RUNX2: variants seen among roughly 807,000 people sequenced by gnomAD.
The protein encoded by RUNX2 is runt-related transcription factor 2.
RUNX2 carries 10 observed loss-of-function variants against 51.7 expected under a neutral mutation model. That is an observed-to-expected ratio of 0.19 (90% confidence interval 0.12 to 0.33). RUNX2 has a LOEUF of 0.33. RUNX2 is among the 10% of genes least tolerant of loss of function. RUNX2 has a pLI of 1.00. For synonymous variants in RUNX2, 276 were observed against 273.6 expected, an observed-to-expected ratio of 1.01 and a Z score of -0.09; for missense variants, 562 against 691.3, an observed-to-expected ratio of 0.81 and a Z score of 2.10.
At chr6:45,441,437 T>TA (rs1798838763) in intron 5 of RUNX2, among the ~76,000 whole-genome samples, 1 of 152,218 alleles carries the variant, frequency 6.6e-6, no homozygotes, top group African/African-American at 2.4e-5. Context: ...TCTCATCTTT[T>TA]ATGTGAGAAT....
intron 2 of RUNX2, among the ~76,000 whole-genome samples, chr6:45,380,061 A>G (rs1486636880): frequency 6.6e-6 from 1 of 152,236 alleles, no homozygotes; most frequent in South Asian, 2.1e-4. Context: ...CTTAAAATCC[A>G]TTTTTGAAAA....
At chr6:45,378,507 T>TTA (rs569047632) in intron 2 of RUNX2, among the ~76,000 whole-genome samples, 2 of 152,164 alleles carry the variant, frequency 1.3e-5, no homozygotes, top group Non-Finnish European at 2.9e-5. Flanking sequence ...AAACCAGCTC[T>TTA]TACGCCGCTT....
Position 45,517,527 on chromosome 6 carries a change from T to A in RUNX2, c.1021+5120T>A, listed in dbSNP as rs77544535. On this transcript the variant is annotated intron_variant, in intron 7 of 8. Coordinates refer to ENST00000647337, the MANE Select transcript of RUNX2 (RefSeq NM_001024630.4). ...CTTCTCTGCATTTATGGGGTTTTTG[T>A]TTGTTGTTGTTGTTAACATAGGACA... is the stretch of plus-strand genomic sequence containing the variant. Among the ~76,000 whole-genome samples the A allele has an allele frequency of 2.0e-5, 3 of 152,258 alleles. No homozygotes were observed. In the East Asian group the frequency reaches 5.8e-4, roughly 29 times the overall value.
intron 7 of RUNX2, among the ~76,000 whole-genome samples, chr6:45,518,524 T>C (rs1245651385): frequency 6.6e-6 from 1 of 152,156 alleles, no homozygotes; most frequent in Non-Finnish European, 1.5e-5. Context: ...TTGGAGATAA[T>C]AGTTGGTCCA....
chr6:45,415,087 G>T (rs1798039015), intron 2 of RUNX2, among the ~76,000 whole-genome samples: 1 of 152,104 alleles, frequency 6.6e-6, no homozygotes, highest in South Asian at 2.1e-4. Flanking sequence ...CCCCAGTGGA[G>T]TGATCCAAAA....
At chr6:45,500,004 C>G (rs962973438) in intron 6 of RUNX2, among the ~76,000 whole-genome samples, 2 of 152,012 alleles carry the variant, frequency 1.3e-5, no homozygotes, top group Non-Finnish European at 2.9e-5. Context: ...CTTTTTTGCC[C>G]TGTTTTACCT....
chr6:45,365,867 C>G (rs901062263), intron 2 of RUNX2, among the ~76,000 whole-genome samples: 3 of 134,416 alleles, frequency 2.2e-5, no homozygotes, highest in African/African-American at 7.7e-5. Context: ...TAATGTCAAT[C>G]GGTAGATCAA....
intron 5 of RUNX2, among the ~76,000 whole-genome samples, chr6:45,482,604 T>C (rs1800148135): frequency 6.6e-6 from 1 of 152,238 alleles, no homozygotes; most frequent in African/African-American, 2.4e-5. Flanking sequence ...TAAATATGAC[T>C]ACATATGAGA....
chr6:45,451,121 T>C (rs1266261168), intron 5 of RUNX2, among the ~76,000 whole-genome samples: 2 of 152,204 alleles, frequency 1.3e-5, no homozygotes, highest in Non-Finnish European at 2.9e-5. Context: ...TCAGATTAGC[T>C]AGATACTTAT....
intron 2 of RUNX2, among the ~76,000 whole-genome samples, chr6:45,334,317 G>A (rs1345318986): frequency 1.3e-5 from 2 of 150,644 alleles, no homozygotes; most frequent in Non-Finnish European, 1.5e-5. Flanking sequence ...TTACATAATA[G>A]ACTAAGTTAA....
At chr6:45,466,285 C>T (rs755151685) in intron 5 of RUNX2, among the ~76,000 whole-genome samples, 2 of 151,602 alleles carry the variant, frequency 1.3e-5, no homozygotes, top group Non-Finnish European at 2.9e-5. Flanking sequence ...TGCACTCCAG[C>T]CTGGGCAACA....
intron 2 of RUNX2, among the ~76,000 whole-genome samples, chr6:45,336,183 C>G (rs922349828): frequency 1.3e-5 from 2 of 151,138 alleles, no homozygotes; most frequent in African/African-American, 4.8e-5. Flanking sequence ...AGAAGGAAAA[C>G]TTAACATTTT....
chr6:45,486,406 A>G (rs1334195033), intron 5 of RUNX2, among the ~76,000 whole-genome samples: 2 of 152,162 alleles, frequency 1.3e-5, no homozygotes, highest in Non-Finnish European at 2.9e-5. Context: ...AACTGACCCA[A>G]ATATGGACAT....
chr6:45,438,883 A>C (rs1798764582), intron 5 of RUNX2, among the ~76,000 whole-genome samples: 1 of 152,208 alleles, frequency 6.6e-6, no homozygotes, highest in Admixed American at 6.5e-5. Context: ...GCCAATGGAA[A>C]CATCATATAG....
At position 45,492,055 on chromosome 6, in the gene RUNX2, G is replaced by C. The variant is rs1234937174; in HGVS notation, c.800G>C (p.Arg267Pro). ...MRVGVPPQNP[R>P]PSLNSAPSPF... ...GTAGGTGTCCCGCCTCAGAACCCACGGCCCTCCCTGAACTCTGCACCAAGT... is the reference window on the plus strand; with the variant it reads ...GTAGGTGTCCCGCCTCAGAACCCACCGCCCTCCCTGAACTCTGCACCAAGT... The change falls in exon 6 of 9, where the codon CGG (arginine) becomes CCG (proline). Residue 267 changes from arginine (R) to proline (P), a missense_variant. This residue lies in a region of RUNX2 where 304 missense variants were observed against 353.2 expected (regional missense o/e 0.86). Coordinates refer to ENST00000647337, the MANE Select transcript of RUNX2 (RefSeq NM_001024630.4). 6.2e-7 allele frequency: 1 copy of C among 1,613,640 alleles called. No homozygotes were observed. Among genetic ancestry groups the C allele is most frequent in the Non-Finnish European group, 8.5e-7 (1 of 1,179,884 alleles).
At chr6:45,472,720 G>A (rs1487289023) in intron 5 of RUNX2, among the ~76,000 whole-genome samples, 2 of 152,146 alleles carry the variant, frequency 1.3e-5, no homozygotes, top group East Asian at 3.9e-4. Flanking sequence ...CTCTTTTAAA[G>A]AGTATTCGTG....
intron 2 of RUNX2, among the ~76,000 whole-genome samples, chr6:45,418,171 C>CATA (rs931540804): frequency 3.3e-4 from 14 of 42,420 alleles, no homozygotes; most frequent in Non-Finnish European, 6.1e-4. Flanking sequence ...TACTTTTCAT[C>CATA]ATAAGTATAT....
At chr6:45,377,050 T>C (rs781189898) in intron 2 of RUNX2, among the ~76,000 whole-genome samples, 18 of 152,104 alleles carry the variant, frequency 1.2e-4, no homozygotes, top group Non-Finnish European at 2.4e-4. Context: ...TCTTCATAAC[T>C]TCACTCTCAC....
intron 2 of RUNX2, among the ~76,000 whole-genome samples, chr6:45,333,064 A>G (rs566213612): frequency 3.3e-5 from 5 of 151,864 alleles, no homozygotes; most frequent in African/African-American, 1.2e-4. Flanking sequence ...ATTCTAAGCT[A>G]ACTGTCTAAA....
Sources: allele counts gnomAD v4.1 joint callset (sites outside exome capture counted in the v4.1 genomes callset), GRCh38; gene constraint gnomAD v4.1.1; regional missense constraint gnomAD v4.1.1; transcripts MANE v1.5; gene names NCBI Gene and HGNC (gene_info 2026-07-23, HGNC 2026-07-21).